Variants in SELENOI observed in about 807,000 individuals in gnomAD.
SELENOI encodes selenoprotein I, also known as ethanolaminephosphotransferase 1.
A neutral mutation model predicts 50.7 loss-of-function variants in SELENOI; 24 were observed. That is an observed-to-expected ratio of 0.47 (90% CI 0.34 to 0.67). The LOEUF (loss-of-function observed/expected upper bound fraction) is 0.67, where lower values mean the gene tolerates loss of function less well. Among genes scored for constraint, SELENOI ranks in the 30% least tolerant of loss-of-function variants. SELENOI has a pLI of 0.01. For missense variants in SELENOI, 352 were observed against 461.4 expected, an observed-to-expected ratio of 0.76 and a Z score of 2.17; for synonymous variants, 155 against 170.2, an observed-to-expected ratio of 0.91 and a Z score of 0.70.
intron 1 of SELENOI, among the ~76,000 whole-genome samples, chr2:26,362,537 G>C (rs1021288506): frequency 7.4e-6 from 1 of 134,694 alleles, no homozygotes; most frequent in African/African-American, 3.9e-5. Flanking sequence ...GAGGCAGGTG[G>C]GTCACCTGAG....
At chr2:26,379,457 G>A (rs1190999342) in intron 6 of SELENOI, among the ~76,000 whole-genome samples, 1 of 152,016 alleles carries the variant, frequency 6.6e-6, no homozygotes, top group Non-Finnish European at 1.5e-5. Context: ...AGTTAGATCT[G>A]TGAGCTTATT....
At chr2:26,359,342 T>G (rs1677127920) in intron 1 of SELENOI, among the ~76,000 whole-genome samples, 1 of 152,164 alleles carries the variant, frequency 6.6e-6, no homozygotes, top group Non-Finnish European at 1.5e-5. Flanking sequence ...TGAAAGACTG[T>G]AGTTTAGAAG....
At chr2:26,382,298 A>G (rs1677723249) in intron 6 of SELENOI, among the ~76,000 whole-genome samples, 1 of 152,226 alleles carries the variant, frequency 6.6e-6, no homozygotes, top group African/African-American at 2.4e-5. Flanking sequence ...AGAATTGGCA[A>G]CAAAGGACAC....
chr2:26,346,870 C>T (rs2147939550), intron 1 of SELENOI: 1 of 152,424 alleles, frequency 6.6e-6, no homozygotes, highest in East Asian at 1.9e-4. Flanking sequence ...CGAGCACATA[C>T]AAACCTGATT....
intron 4 of SELENOI, 150 bp from the exon 5 acceptor site, chr2:26,373,217 A>T (rs1677496071): frequency 1.0e-6 from 1 of 970,782 alleles, no homozygotes; most frequent in African/African-American, 1.7e-5. Context: ...AGAATTAAAT[A>T]ATTAGATTTT....
rs1272336250 is a variant in SELENOI, at chr2:26,394,665, C to T, written c.*5562C>T. The T allele has an allele frequency of 6.6e-6, 1 of 151,492 alleles. No individual in the cohort carries two copies. The highest frequency in any genetic ancestry group is 1.5e-5 in the Non-Finnish European group (1 of 67,886). 9.4% of individuals were successfully genotyped at this position (151,492 alleles called of 1,614,324 possible). A position where few individuals can be genotyped will look rare whatever the true frequency, so the allele number is the denominator to read the frequency against. ...CTGGGTGTTTTTTTTTTTAAAGTAG[C>T]ATTTTCTCTGGGTAAAGGGAAAGGC... On this transcript the variant is annotated 3_prime_UTR_variant, in exon 10 of 10. Coordinates refer to ENST00000260585, the MANE Select transcript of SELENOI (RefSeq NM_033505.4). The surrounding 1 kb of genome is among the most constrained non-coding windows in gnomAD (Gnocchi z 4.1).
At chr2:26,348,083 A>G (rs996212348) in intron 1 of SELENOI, among the ~76,000 whole-genome samples, 7 of 152,340 alleles carry the variant, frequency 4.6e-5, no homozygotes, top group Middle Eastern at 6.8e-3. Context: ...CAATTACTCA[A>G]TACTGCATTT....
chr2:26,346,393 G>A (rs1189465954), intron 1 of SELENOI, 104 bp downstream of exon 1: 1 of 1,360,974 alleles, frequency 7.3e-7, no homozygotes, highest in South Asian at 1.6e-5. Flanking sequence ...GCGTGGCTCC[G>A]GGCGGGCTGG....
intron 5 of SELENOI, among the ~76,000 whole-genome samples, chr2:26,374,084 T>C (rs1380205996): frequency 6.6e-6 from 1 of 152,178 alleles, no homozygotes; most frequent in African/African-American, 2.4e-5. Context: ...ATTTCTGATA[T>C]TATATGATAA....
At chr2:26,379,392 T>G (rs1677636027) in intron 6 of SELENOI, among the ~76,000 whole-genome samples, 1 of 152,192 alleles carries the variant, frequency 6.6e-6, no homozygotes, top group African/African-American at 2.4e-5. Flanking sequence ...TTTTCCTGGT[T>G]GCGGTCTCAT....
intron 4 of SELENOI, among the ~76,000 whole-genome samples, chr2:26,371,356 C>T (rs1198904888): frequency 2.6e-5 from 4 of 151,550 alleles, no homozygotes; most frequent in Non-Finnish European, 4.4e-5. Flanking sequence ...GGGGCAGAGG[C>T]GCTCCCCACA....
Position 26,346,244 on chromosome 2 carries a change from C to T in SELENOI, c.12C>T (p.Tyr4=), listed in dbSNP as rs771159028. MAG[Y]EYVSPEQLAG... ...GTTTTCGGGTCGTCATGGCTGGCTA[C>T]GAATACGTGAGCCCGGAGCAGCTGG... The change falls in exon 1 of 10, where the codon TAC becomes TAT. Residue 4 remains tyrosine, a synonymous_variant. Transcript: ENST00000260585. 3.1e-6 allele frequency: 5 copies of T among 1,613,496 alleles called. No homozygotes were observed. Among genetic ancestry groups the T allele is most frequent in the Non-Finnish European group, 4.2e-6 (5 of 1,179,634 alleles).
intron 6 of SELENOI, among the ~76,000 whole-genome samples, chr2:26,379,204 C>T (rs1180301774): frequency 2.0e-5 from 3 of 152,132 alleles, no homozygotes; most frequent in Non-Finnish European, 4.4e-5. Flanking sequence ...GTGGAGGTTG[C>T]AGTGAGTCAA....
At chr2:26,365,795 CTTTTTTTTTTTT>C (rs55900237) in intron 3 of SELENOI, among the ~76,000 whole-genome samples, 49 of 108,348 alleles carry the variant, frequency 4.5e-4, no homozygotes, top group Admixed American at 3.7e-4. Flanking sequence ...ACACTTAAGA[CTTTTTTTTTTTT>C]TTTTTTTTTT....
chr2:26,349,308 CT>C (rs11434987), intron 1 of SELENOI, among the ~76,000 whole-genome samples: 73 of 115,296 alleles, frequency 6.3e-4, no homozygotes, highest in Admixed American at 1.1e-3. Flanking sequence ...CCACACTTGT[CT>C]TTTTTTTTTT....
intron 1 of SELENOI, among the ~76,000 whole-genome samples, chr2:26,359,706 T>C (rs535692746): frequency 3.1e-4 from 47 of 152,208 alleles, no homozygotes; most frequent in African/African-American, 1.1e-3. Flanking sequence ...ATAGATGATA[T>C]AGGGCAGGGG....
chr2:26,347,746 A>G (rs1335607414), intron 1 of SELENOI, among the ~76,000 whole-genome samples: 1 of 152,194 alleles, frequency 6.6e-6, no homozygotes, highest in Non-Finnish European at 1.5e-5. Flanking sequence ...GTGCCAATAA[A>G]ATAGCTATTT....
chr2:26,353,213 A>AT (rs1471831873), intron 1 of SELENOI, among the ~76,000 whole-genome samples: 1 of 152,108 alleles, frequency 6.6e-6, no homozygotes, highest in African/African-American at 2.4e-5. Flanking sequence ...TATATATATA[A>AT]TTTTTTAAAA....
chr2:26,346,354 G>A, intron 1 of SELENOI, 65 bp downstream of exon 1: 2 of 1,524,616 alleles, frequency 1.3e-6, no homozygotes, highest in Non-Finnish European at 1.8e-6. Context: ...TGAGGGGCCC[G>A]CGCGGCGCGG....
Sources: gnomAD v4.1 joint callset for allele counts (sites outside exome capture counted in the v4.1 genomes callset) on GRCh38, gnomAD v4.1.1 for gene constraint, Gnocchi (gnomAD v3.1) non-coding constraint, MANE v1.5 for transcripts, NCBI Gene and HGNC (gene_info 2026-07-23, HGNC 2026-07-21) for gene names.